PREX2: variants seen among roughly 807,000 people sequenced by gnomAD.
PREX2 encodes the protein phosphatidylinositol-3,4,5-trisphosphate dependent Rac exchange factor 2.
A neutral mutation model predicts 203.2 loss-of-function variants in PREX2; 107 were observed. That is an observed-to-expected ratio of 0.53 (90% CI 0.45 to 0.62). The LOEUF is 0.62. Ranked by LOEUF, PREX2 falls within the 20% of genes least tolerant of loss-of-function variation. The probability of loss-of-function intolerance (pLI) is 0.00; values close to 1 mark genes in which losing one functional copy is unlikely to be tolerated. For missense variants in PREX2, 1,777 were observed against 1,955.9 expected, an observed-to-expected ratio of 0.91 and a Z score of 1.72; for synonymous variants, 672 against 663.6, an observed-to-expected ratio of 1.01 and a Z score of -0.19.
rs768758077 is a variant in PREX2, at chr8:68,120,260, A to G, written c.3569A>G (p.Tyr1190Cys). The G allele has an allele frequency of 2.9e-5, 46 of 1,613,650 alleles. No homozygotes were observed. The highest frequency in any genetic ancestry group is 1.6e-4 in the Middle Eastern group (1 of 6,084). ...GTGAGGGCCTTTGACCAAACCAAGT[A>G]TCTCACTCCAGGCCGAGGATTGCAA... Reference protein sequence around the residue: ...AVVRAFDQTKYLTPGRGLQEF... With the variant: ...AVVRAFDQTKCLTPGRGLQEF... Residue 1190 changes from tyrosine (Y) to cysteine (C), a missense_variant, in exon 29 of 40, where the codon TAT (tyrosine) becomes TGT (cysteine). Transcript: ENST00000288368.
rs781475955 is a variant in PREX2 at position 68,080,716 on chromosome 8, T to C, written c.1786-30T>C. On this transcript the variant is annotated intron_variant, in intron 16 of 39. Transcript: ENST00000288368. The stretch of plus-strand genomic sequence containing the variant: ...CTTGTAATTTTTTTCATAGTTGCTT[T>C]ATCAATAATGTTAATATTTTGCATT... The C allele has an allele frequency of 2.0e-6, 3 of 1,489,732 alleles. No homozygotes were observed. In the South Asian group the frequency reaches 3.6e-5, roughly 18 times the overall value. The allele number at this position is 1,489,732 out of a possible 1,614,324, so 92.3% of individuals were successfully genotyped here. A position where few individuals can be genotyped will look rare whatever the true frequency, so the allele number is the denominator to read the frequency against.
At chr8:68,154,570 T>C (rs369516584) in intron 34 of PREX2, among the ~76,000 whole-genome samples, 3 of 152,354 alleles carry the variant, frequency 2.0e-5, no homozygotes, top group East Asian at 3.9e-4. Context: ...AAATAGCAGC[T>C]TGTGAACATG....
intron 22 of PREX2, among the ~76,000 whole-genome samples, chr8:68,098,134 G>A (rs1810141256): frequency 6.6e-6 from 1 of 152,130 alleles, no homozygotes; most frequent in African/African-American, 2.4e-5. Context: ...CTGCCTACAA[G>A]GTAAATCCAT....
chr8:67,986,413 T>C (rs1341124673), intron 1 of PREX2, among the ~76,000 whole-genome samples: 1 of 152,220 alleles, frequency 6.6e-6, no homozygotes, highest in African/African-American at 2.4e-5. Context: ...GCCGGGAGCG[T>C]AGGGCTGCTC....
chr8:68,136,506 T>A (rs897347695), intron 32 of PREX2, among the ~76,000 whole-genome samples: 1 of 152,164 alleles, frequency 6.6e-6, no homozygotes, highest in African/African-American at 2.4e-5. Context: ...GCTTTGGCAA[T>A]GTTTGCTGGA....
At position 68,100,394 on chromosome 8, in the gene PREX2, GC is replaced by G. The variant is rs559563884; in HGVS notation, c.2715+552del. Among the ~76,000 whole-genome samples, 130 of 152,312 alleles carry G rather than the reference GC, an allele frequency of 8.5e-4. 1 individual carries two copies. The highest frequency in any genetic ancestry group is 3.4e-3 in the Admixed American group (52 of 15,300). ...TGCTCACATTCAAGTGGGAGAGACA[GC>G]AAGTAAGTAAATAAATCCCTGCAAA... On this transcript the variant is annotated intron_variant, in intron 23 of 39. Coordinates refer to ENST00000288368, the MANE Select transcript of PREX2 (RefSeq NM_024870.4).
At chr8:68,189,749 T>C (rs1812256969) in intron 35 of PREX2, among the ~76,000 whole-genome samples, 1 of 152,162 alleles carries the variant, frequency 6.6e-6, no homozygotes, top group African/African-American at 2.4e-5. Context: ...ATCAGTGTTA[T>C]GTGCTTAGGC....
intron 1 of PREX2, among the ~76,000 whole-genome samples, chr8:67,998,756 T>G (rs1242509134): frequency 6.6e-6 from 1 of 152,150 alleles, no homozygotes; most frequent in African/African-American, 2.4e-5. Flanking sequence ...GGTGACAGAT[T>G]GAGACCCTGA....
intron 21 of PREX2, among the ~76,000 whole-genome samples, chr8:68,095,387 A>G (rs1810028260): frequency 6.6e-6 from 1 of 152,000 alleles, no homozygotes. Context: ...TCATTCACAT[A>G]AACTCCGTTA....
At chr8:68,128,942 A>C (rs1810949237) in intron 31 of PREX2, among the ~76,000 whole-genome samples, 1 of 152,318 alleles carries the variant, frequency 6.6e-6, no homozygotes, top group Middle Eastern at 3.4e-3. Flanking sequence ...TAATGAAAAA[A>C]GGTTTTGCCT....
intron 33 of PREX2, among the ~76,000 whole-genome samples, chr8:68,145,516 C>G (rs1269700513): frequency 6.6e-6 from 1 of 152,030 alleles, no homozygotes; most frequent in Non-Finnish European, 1.5e-5. Flanking sequence ...GACTATTCAG[C>G]CTTTTAGGAT....
At chr8:67,965,345 T>C (rs1001740042) in intron 1 of PREX2, among the ~76,000 whole-genome samples, 4 of 152,202 alleles carry the variant, frequency 2.6e-5, no homozygotes, top group African/African-American at 9.7e-5. Flanking sequence ...TCTCTGTGTA[T>C]TTACAGTGCT....
intron 12 of PREX2, 47 bp from the exon 13 acceptor site, chr8:68,069,788 C>A: frequency 2.2e-6 from 2 of 898,740 alleles, no homozygotes; most frequent in South Asian, 1.8e-5. Context: ...ATTGAAATGT[C>A]CCTTGGGTAA....
chr8:68,013,253 C>G (rs573930903), intron 1 of PREX2, among the ~76,000 whole-genome samples: 1 of 152,202 alleles, frequency 6.6e-6, no homozygotes, highest in East Asian at 1.9e-4. Context: ...TTTTGTCTTC[C>G]CCATCTCTAC....
intron 38 of PREX2, among the ~76,000 whole-genome samples, chr8:68,221,529 C>A (rs772382820): frequency 6.6e-6 from 1 of 152,022 alleles, no homozygotes; most frequent in Non-Finnish European, 1.5e-5. Flanking sequence ...TGGTGAGTGA[C>A]CAATCAATTA....
At chr8:67,969,377 C>T (rs1585662903) in intron 1 of PREX2, among the ~76,000 whole-genome samples, 1 of 152,148 alleles carries the variant, frequency 6.6e-6, no homozygotes, top group East Asian at 1.9e-4. Context: ...CTCAGGTATT[C>T]TGGTCTCATC....
intron 7 of PREX2, among the ~76,000 whole-genome samples, chr8:68,040,940 G>C (rs1410271363): frequency 3.9e-5 from 6 of 152,122 alleles, no homozygotes; most frequent in Admixed American, 1.3e-4. Flanking sequence ...TTGTTTTAAA[G>C]CATGAATATA....
chr8:68,214,197 T>G (rs985626636), intron 37 of PREX2, among the ~76,000 whole-genome samples: 1 of 152,064 alleles, frequency 6.6e-6, no homozygotes, highest in Admixed American at 6.5e-5. Context: ...GACAAGGAGT[T>G]CAAGACAACC....
At chr8:68,213,362 T>G (rs1230329527) in intron 37 of PREX2, among the ~76,000 whole-genome samples, 1 of 152,156 alleles carries the variant, frequency 6.6e-6, no homozygotes, top group Non-Finnish European at 1.5e-5. Flanking sequence ...CTAAGGCCCC[T>G]CCCAGAACCT....
Sources: allele counts gnomAD v4.1 joint callset (sites outside exome capture counted in the v4.1 genomes callset), GRCh38; gene constraint gnomAD v4.1.1; transcripts MANE v1.5; gene names NCBI Gene and HGNC (gene_info 2026-07-23, HGNC 2026-07-21).